Variants in PIGN observed in about 807,000 individuals in gnomAD.
PIGN encodes the protein phosphatidylinositol glycan anchor biosynthesis class N, also known as GPI ethanolamine phosphate transferase 1.
PIGN carries 117 observed loss-of-function variants against 125.4 expected under a neutral mutation model. The observed-to-expected ratio is 0.93, with a 90% CI of 0.80 to 1.09. The LOEUF is 1.09. Among genes scored for constraint, PIGN ranks in the 50% least tolerant of loss-of-function variants. The pLI is 0.00. For missense variants in PIGN, 1,075 were observed against 1,094.9 expected (o/e 0.98, Z 0.26); for synonymous variants, 392 against 377.8 (o/e 1.04, Z -0.44).
At chr18:62,125,335 A>T (rs1056845049) in intron 14 of PIGN, among the ~76,000 whole-genome samples, 2 of 152,022 alleles carry the variant, frequency 1.3e-5, no homozygotes, top group African/African-American at 4.8e-5. Flanking sequence ...TGTAAGTTGC[A>T]TTTTGTTGAT....
intron 12 of PIGN, among the ~76,000 whole-genome samples, 197 bp from the exon 13 acceptor site, chr18:62,139,272 T>C (rs1433160633): frequency 1.3e-5 from 2 of 152,226 alleles, no homozygotes; most frequent in Non-Finnish European, 2.9e-5. Context: ...TGTATTAAGG[T>C]AAGCAAAGCA....
At chr18:62,021,729 A>G (rs1260182295) in intron 23 of PIGN, among the ~76,000 whole-genome samples, 1 of 152,186 alleles carries the variant, frequency 6.6e-6, no homozygotes, top group East Asian at 1.9e-4. Flanking sequence ...ACACATGATC[A>G]CAGATTTAGC....
intron 25 of PIGN, 87 bp downstream of exon 25, chr18:62,088,669 A>T (rs1166950380): frequency 1.3e-6 from 1 of 748,052 alleles, no homozygotes; most frequent in African/African-American, 1.8e-5. Flanking sequence ...ACCACTATTA[A>T]GTGATGGGCA....
At chr18:62,053,325 C>T (rs372469024) in intron 30 of PIGN, among the ~76,000 whole-genome samples, 4 of 152,148 alleles carry the variant, frequency 2.6e-5, no homozygotes, top group Non-Finnish European at 5.9e-5. Flanking sequence ...AATAACACCA[C>T]AGAAAAGTAA....
intron 1 of PIGN, among the ~76,000 whole-genome samples, chr18:62,173,986 A>AG (rs2037429874): frequency 6.6e-6 from 1 of 152,102 alleles, no homozygotes; most frequent in South Asian, 2.1e-4. Flanking sequence ...GAGGCCAAGG[A>AG]GGGCAGATCA....
chr18:62,146,063 GA>G (rs2147271576), intron 9 of PIGN, 38 bp from the exon 10 acceptor site: 3 of 890,234 alleles, frequency 3.4e-6, no homozygotes, highest in Non-Finnish European at 3.4e-6. Flanking sequence ...GACAAATATA[GA>G]AGAACTAACT....
At chr18:62,091,124 C>A (rs2033936282) in intron 23 of PIGN, among the ~76,000 whole-genome samples, 3 of 152,092 alleles carry the variant, frequency 2.0e-5, no homozygotes, top group Non-Finnish European at 4.4e-5. Context: ...CCGGAGCAGG[C>A]AGATCCCGAG....
intron 1 of PIGN, among the ~76,000 whole-genome samples, chr18:62,167,713 TAC>T (rs1182550206): frequency 3.6e-5 from 5 of 138,590 alleles, no homozygotes; most frequent in Non-Finnish European, 6.5e-5. Flanking sequence ...TATATATATA[TAC>T]ACACACACAC....
At chr18:62,180,331 A>C (rs1259449836) in intron 1 of PIGN, among the ~76,000 whole-genome samples, 1 of 152,186 alleles carries the variant, frequency 6.6e-6, no homozygotes, top group African/African-American at 2.4e-5. Flanking sequence ...CTGTACTGAA[A>C]GTTTTATTTT....
intron 30 of PIGN, among the ~76,000 whole-genome samples, chr18:62,063,601 CT>C (rs777902139): frequency 6.7e-6 from 1 of 150,072 alleles, no homozygotes; most frequent in Non-Finnish European, 1.5e-5. Flanking sequence ...CTAAAATAGT[CT>C]TCCCAAACCT....
chr18:62,118,356 T>C (rs1339948049), intron 14 of PIGN, among the ~76,000 whole-genome samples: 1 of 151,214 alleles, frequency 6.6e-6, no homozygotes, highest in Admixed American at 6.6e-5. Context: ...GGCATAGCAA[T>C]GCTCCCACCA....
chr18:62,031,410 T>C (rs762125917), intron 23 of PIGN, among the ~76,000 whole-genome samples: 4 of 152,184 alleles, frequency 2.6e-5, no homozygotes, highest in Non-Finnish European at 5.9e-5. Flanking sequence ...GGAAACATCA[T>C]GGAACAAATT....
intron 30 of PIGN, among the ~76,000 whole-genome samples, chr18:62,047,239 C>T (rs1158767429): frequency 1.3e-5 from 2 of 152,244 alleles, no homozygotes; most frequent in African/African-American, 4.8e-5. Flanking sequence ...CACTCTAACT[C>T]CCCGGCTATG....
rs748351289 is a variant in PIGN at position 62,113,288 on chromosome 18, A to G, written c.1280T>C (p.Leu427Pro). The change falls in exon 16 of 31, where the codon CTT (leucine) becomes CCT (proline). Residue 427 changes from leucine to proline, a missense_variant. This residue lies in a region of PIGN where 915 missense variants were observed against 908.7 expected (regional missense o/e 1.01). Transcript: ENST00000640252. ...VVSLCKELIHLALKGLSYYHT... is the reference protein window; with the variant it reads ...VVSLCKELIHPALKGLSYYHT... ...ATAATAGGACAATCCTTTCAATGCA[A>G]GATGAATTAGCTCCTTGCAAAGGGA... The G allele has an allele frequency of 1.9e-6, 3 of 1,611,518 alleles. No individual in the cohort carries two copies. Among genetic ancestry groups the G allele is most frequent in the East Asian group, 2.2e-5 (1 of 44,718 alleles).
intron 23 of PIGN, among the ~76,000 whole-genome samples, chr18:62,093,068 A>G (rs2034036222): frequency 1.3e-5 from 2 of 152,098 alleles, no homozygotes; most frequent in Admixed American, 1.3e-4. Flanking sequence ...GTGATTGCAT[A>G]GTGCTCTGGA....
rs556633466 is a variant in PIGN at position 62,121,869 on chromosome 18, T to C, written c.1173-7230A>G. Among the ~76,000 whole-genome samples, 198 of 151,778 alleles carry C rather than the reference T, an allele frequency of 1.3e-3. 1 individual carries two copies. Among genetic ancestry groups the C allele is most frequent in the African/African-American group, 4.4e-3 (183 of 41,518 alleles). ...ATCTCTTCAATATATTGATTTCCTTTCTTTTAGATATATATACCTAGTAGT... is the reference window on the plus strand; with the variant it reads ...ATCTCTTCAATATATTGATTTCCTTCCTTTTAGATATATATACCTAGTAGT... On this transcript the variant is annotated intron_variant, in intron 14 of 30. Coordinates refer to ENST00000640252, the MANE Select transcript of PIGN (RefSeq NM_176787.5).
At chr18:62,171,358 C>T (rs146597039) in intron 1 of PIGN, among the ~76,000 whole-genome samples, 8 of 152,220 alleles carry the variant, frequency 5.3e-5, no homozygotes, top group Admixed American at 3.9e-4. Flanking sequence ...TCAACTGTTA[C>T]GGTGGCTTTT....
chr18:62,050,007 T>C (rs1239164293), intron 30 of PIGN, among the ~76,000 whole-genome samples: 1 of 151,750 alleles, frequency 6.6e-6, no homozygotes. Context: ...ATCAGATAGT[T>C]GTAGATATGT....
At chr18:62,165,830 T>C (rs1599671593) in intron 1 of PIGN, among the ~76,000 whole-genome samples, 1 of 152,182 alleles carries the variant, frequency 6.6e-6, no homozygotes, top group East Asian at 1.9e-4. Flanking sequence ...AGCTTGGAGT[T>C]CTTGTTAACT....
Sources: allele counts gnomAD v4.1 joint callset (sites outside exome capture counted in the v4.1 genomes callset), GRCh38; gene constraint gnomAD v4.1.1; regional missense constraint gnomAD v4.1.1; transcripts MANE v1.5; gene names NCBI Gene and HGNC (gene_info 2026-07-23, HGNC 2026-07-21).